OVOL2: variants seen among roughly 807,000 people sequenced by gnomAD.
OVOL2 encodes the protein transcription factor Ovo-like 2.
Under a neutral mutation model 18.1 loss-of-function variants are expected in OVOL2, and 13 were observed. That is an observed-to-expected ratio of 0.72 (90% CI 0.47 to 1.14). The LOEUF (loss-of-function observed/expected upper bound fraction) is 1.14. Among genes scored for constraint, OVOL2 ranks in the 50% most tolerant of loss-of-function variants. OVOL2 has a pLI of 0.00. For missense variants in OVOL2, 335 were observed against 383.0 expected (o/e 0.87, Z 1.05); for synonymous variants, 166 against 162.7 (o/e 1.02, Z -0.16).
chr20:18,054,144 C>A (rs1273344411), intron 2 of OVOL2, among the ~76,000 whole-genome samples: 1 of 152,234 alleles, frequency 6.6e-6, no homozygotes, highest in African/African-American at 2.4e-5. Flanking sequence ...CCATGTTCTA[C>A]CCTCCACTCA....
At chr20:18,044,906 A>C (rs2036711317) in intron 2 of OVOL2, among the ~76,000 whole-genome samples, 2 of 152,176 alleles carry the variant, frequency 1.3e-5, no homozygotes, top group Admixed American at 1.3e-4. Flanking sequence ...AGAGCAGTTA[A>C]TGAAGAGAGC....
chr20:18,025,592 C>T (rs1425385866), intron 3 of OVOL2, among the ~76,000 whole-genome samples: 1 of 152,034 alleles, frequency 6.6e-6, no homozygotes, highest in Non-Finnish European at 1.5e-5. Context: ...TGGGTATTCC[C>T]AGAAACAGAG....
intron 3 of OVOL2, among the ~76,000 whole-genome samples, chr20:18,036,425 C>A (rs1332397221): frequency 6.6e-6 from 1 of 152,174 alleles, no homozygotes; most frequent in East Asian, 1.9e-4. Flanking sequence ...GACTCAGGAG[C>A]CACACACAGC....
Position 18,057,495 on chromosome 20 carries a change from G to T in OVOL2, c.100+40C>A, listed in dbSNP as rs951286742. 9 of 1,101,834 alleles carry T rather than the reference G, an allele frequency of 8.2e-6. No homozygotes were observed. The highest frequency in any genetic ancestry group is 1.0e-5 in the Non-Finnish European group (8 of 798,042). 68.3% of individuals were successfully genotyped at this position (1,101,834 alleles called of 1,614,324 possible). A position where few individuals can be genotyped will look rare whatever the true frequency, so the allele number is the denominator to read the frequency against. Reference sequence around the variant, plus strand: ...GACCCGCCACCCCTTCCCCCACCCCGGGAGCCCAGCGCCCAGGCCCGGCCC... The same window carrying T: ...GACCCGCCACCCCTTCCCCCACCCCTGGAGCCCAGCGCCCAGGCCCGGCCC... On this transcript the variant is annotated intron_variant, in intron 1 of 3. Coordinates refer to ENST00000278780, the MANE Select transcript of OVOL2 (RefSeq NM_021220.4). The surrounding 1 kb of genome is among the most constrained non-coding windows in gnomAD (Gnocchi z 6.3).
At position 18,056,836 on chromosome 20, in the gene OVOL2, G is replaced by C; in HGVS notation, c.142C>G (p.Arg48Gly). 6.7e-7 allele frequency: 1 copy of C among 1,489,056 alleles called. No homozygotes were observed. Among genetic ancestry groups the C allele is most frequent in the South Asian group, 1.3e-5 (1 of 79,126 alleles). 92.2% of individuals were successfully genotyped at this position (1,489,056 alleles called of 1,614,324 possible). ...CCGCTGCTGCTGCCGCCGTCGCTGC[G>C]GCAGTCCTCGGGGGGGTCGTGGAGC... ...RLLHDPPEDCRSDGGSSSGSG... is the reference protein window; with the variant it reads ...RLLHDPPEDCGSDGGSSSGSG... Residue 48 changes from arginine (R) to glycine (G), a missense_variant, in exon 2 of 4, where the codon CGC becomes GGC. Physicochemically the swap from Arg to Gly is moderately radical, Grantham distance 125. Coordinates refer to ENST00000278780, the MANE Select transcript of OVOL2 (RefSeq NM_021220.4). The surrounding 1 kb of genome is among the most constrained non-coding windows in gnomAD (Gnocchi z 4.2).
At chr20:18,038,774 C>G (rs1022334192) in intron 3 of OVOL2, among the ~76,000 whole-genome samples, 1 of 152,110 alleles carries the variant, frequency 6.6e-6, no homozygotes, top group Non-Finnish European at 1.5e-5. Flanking sequence ...GGCTGAGACA[C>G]CCTCCAGGGC....
chr20:18,056,969 C>T lies in OVOL2; in HGVS notation c.101-92G>A. 7.4e-7 allele frequency: 1 copy of T among 1,354,666 alleles called. No individual in the cohort carries two copies. The highest frequency in any genetic ancestry group is 1.7e-5 in the South Asian group (1 of 58,946). The allele number at this position is 1,354,666 out of a possible 1,614,324, so 83.9% of individuals were successfully genotyped here. On this transcript the variant is annotated intron_variant, in intron 1 of 3. Transcript: ENST00000278780. The surrounding 1 kb of genome is among the most constrained non-coding windows in gnomAD (Gnocchi z 4.2). The stretch of plus-strand genomic sequence containing the variant: ...GACCTGCGGGCGGTGCTGCCGCCGC[C>T]CCGCCCCGGACCTGGGCACCTCGCC...
intron 3 of OVOL2, among the ~76,000 whole-genome samples, chr20:18,026,702 C>T (rs546579900): frequency 5.5e-4 from 84 of 152,210 alleles, no homozygotes; most frequent in Non-Finnish European, 8.8e-4. Flanking sequence ...TTTTAACAAA[C>T]GTCGCTGGAT....
At chr20:18,044,247 G>A (rs954987003) in intron 2 of OVOL2, among the ~76,000 whole-genome samples, 5 of 152,160 alleles carry the variant, frequency 3.3e-5, no homozygotes, top group Admixed American at 6.6e-5. Flanking sequence ...TGATGCACAC[G>A]CCACACTAGC....
chr20:18,028,520 C>T (rs527531715), intron 3 of OVOL2, among the ~76,000 whole-genome samples: 3 of 151,326 alleles, frequency 2.0e-5, no homozygotes, highest in Admixed American at 6.6e-5. Context: ...AGGCTGGGTG[C>T]GGTGGCTCAC....
chr20:18,040,414 G>A (rs2036658085), intron 3 of OVOL2, among the ~76,000 whole-genome samples: 1 of 152,130 alleles, frequency 6.6e-6, no homozygotes, highest in African/African-American at 2.4e-5. Context: ...ATAGGATGGG[G>A]ATTTGAAGAT....
chr20:18,033,562 A>C (rs1017980976), intron 3 of OVOL2, among the ~76,000 whole-genome samples: 12 of 152,224 alleles, frequency 7.9e-5, no homozygotes, highest in African/African-American at 2.9e-4. Flanking sequence ...CTTTTACAGA[A>C]TACTTAGTCA....
intron 2 of OVOL2, among the ~76,000 whole-genome samples, chr20:18,049,482 G>A (rs147878105): frequency 2.6e-5 from 4 of 152,182 alleles, no homozygotes; most frequent in East Asian, 1.9e-4. Context: ...GATTTCCACC[G>A]ACACGGTGCG....
In OVOL2 at chr20:18,057,820, C is replaced by G; in HGVS notation, c.-186G>C. On this transcript the variant is annotated 5_prime_UTR_variant, in exon 1 of 4. Transcript: ENST00000278780. The surrounding 1 kb of genome is among the most constrained non-coding windows in gnomAD (Gnocchi z 6.3). ...CCCCCGCACGCCTGGCGACTCCCAG[C>G]CTCCCGGCTCGGCGACACCTATGCC... 7.3e-7 allele frequency: 1 copy of G among 1,365,784 alleles called. No individual in the cohort carries two copies. Among genetic ancestry groups the G allele is most frequent in the Non-Finnish European group, 9.4e-7 (1 of 1,066,672 alleles). The allele number at this position is 1,365,784 out of a possible 1,614,324, so 84.6% of individuals were successfully genotyped here. A position where few individuals can be genotyped will look rare whatever the true frequency, so the allele number is the denominator to read the frequency against.
intron 3 of OVOL2, among the ~76,000 whole-genome samples, chr20:18,027,797 G>A (rs1038740957): frequency 2.5e-4 from 38 of 152,032 alleles, no homozygotes; most frequent in Middle Eastern, 3.4e-3. Context: ...GGGTTTCACC[G>A]TGTTAGCCAG....
In OVOL2 at chr20:18,056,253, A is replaced by G. The variant is rs2036823744; in HGVS notation, c.321+404T>C. On this transcript the variant is annotated intron_variant, in intron 2 of 3. Transcript: ENST00000278780. The surrounding 1 kb of genome is among the most constrained non-coding windows in gnomAD (Gnocchi z 4.2). ...CCAGGAACTGCGTCCCAGAGGGTGG[A>G]ATTTCTGAGAGCGCTGAGGCTTCCT... 6.6e-6 allele frequency among the ~76,000 whole-genome samples: 1 copy of G among 152,158 alleles called. No homozygotes were observed. Among genetic ancestry groups the G allele is most frequent in the African/African-American group, 2.4e-5 (1 of 41,440 alleles).
At position 18,035,099 on chromosome 20, in the gene OVOL2, C is replaced by T. The variant is rs116118538; in HGVS notation, c.511+6435G>A. Among the ~76,000 whole-genome samples the T allele has an allele frequency of 3.3e-3, 495 of 152,258 alleles. 2 individuals carry two copies. Among genetic ancestry groups the T allele is most frequent in the African/African-American group, 0.011 (459 of 41,558 alleles). ...TATATCTTTGTTTCTGGCCTAAATACAACATTTACTTATAAGAACCAATAG... is the reference window on the plus strand; with the variant it reads ...TATATCTTTGTTTCTGGCCTAAATATAACATTTACTTATAAGAACCAATAG... On this transcript the variant is annotated intron_variant, in intron 3 of 3. Transcript: ENST00000278780.
At chr20:18,035,382 A>G (rs2036607408) in intron 3 of OVOL2, among the ~76,000 whole-genome samples, 2 of 152,214 alleles carry the variant, frequency 1.3e-5, no homozygotes, top group South Asian at 4.1e-4. Context: ...GCTGGAACCC[A>G]GGAGGCAGAG....
At chr20:18,037,599 C>T (rs1291349291) in intron 3 of OVOL2, among the ~76,000 whole-genome samples, 2 of 152,198 alleles carry the variant, frequency 1.3e-5, no homozygotes, top group African/African-American at 4.8e-5. Context: ...CAGATGGTTC[C>T]TGCATCTCTC....
Sources: allele counts gnomAD v4.1 joint callset (sites outside exome capture counted in the v4.1 genomes callset), GRCh38; gene constraint gnomAD v4.1.1; non-coding constraint Gnocchi (gnomAD v3.1); transcripts MANE v1.5; gene names NCBI Gene and HGNC (gene_info 2026-07-23, HGNC 2026-07-21).